CDH4: variants seen among roughly 807,000 people sequenced by gnomAD.
The protein encoded by CDH4 is cadherin 4, also known as cadherin-4.
A neutral mutation model predicts 86.0 loss-of-function variants in CDH4; 33 were observed. The ratio of observed to expected loss-of-function variants is 0.38; its 90% CI spans 0.29 to 0.51. CDH4 has a LOEUF of 0.51. Ranked by LOEUF, CDH4 falls within the 20% of genes least tolerant of loss-of-function variation. The pLI is 0.86. For synonymous variants in CDH4, 555 were observed against 549.4 expected, an observed-to-expected ratio of 1.01 and a Z score of -0.14; for missense variants, 1,114 against 1,307.4, an observed-to-expected ratio of 0.85 and a Z score of 2.28.
chr20:61,460,179 G>C (rs745941467), intron 2 of CDH4, among the ~76,000 whole-genome samples: 1 of 152,124 alleles, frequency 6.6e-6, no homozygotes, highest in East Asian at 1.9e-4. Flanking sequence ...CTTTGCCCTC[G>C]GCTAGCACAT....
At chr20:61,877,555 C>T (rs559103213) in intron 7 of CDH4, among the ~76,000 whole-genome samples, 13 of 152,244 alleles carry the variant, frequency 8.5e-5, no homozygotes, top group African/African-American at 2.4e-4. Context: ...GTGAACAGCC[C>T]GGCTTCTATC....
chr20:61,852,886 G>A lies in CDH4; in HGVS notation c.865G>A (p.Gly289Ser). 1 of 1,613,918 alleles carries A rather than the reference G, an allele frequency of 6.2e-7. No individual in the cohort carries two copies. The highest frequency in any genetic ancestry group is 8.5e-7 in the Non-Finnish European group (1 of 1,179,920). ...GGTCTACAACGGCTCCGTGGACGAG[G>A]GCTCCAAGCCAGGTGAGGCCTTTAG... ...NQVYNGSVDE[G>S]SKPGTYVMTV... The change falls in exon 6 of 16, where the codon GGC (glycine) becomes AGC (serine). Residue 289 changes from glycine (G) to serine (S), a missense_variant. By Grantham distance (56) the Gly-to-Ser change is moderately conservative (BLOSUM62 0). Around this residue, in one of 3 missense-constraint regions of CDH4, gnomAD observed 705 missense variants for 914.1 expected, o/e 0.77. Transcript: ENST00000614565.
intron 6 of CDH4, among the ~76,000 whole-genome samples, chr20:61,865,887 T>C (rs1983526870): frequency 6.6e-6 from 1 of 151,180 alleles, no homozygotes; most frequent in African/African-American, 2.4e-5. Flanking sequence ...GCTTCCTGGC[T>C]GGTTAGTGTA....
At chr20:61,464,756 C>A (rs2085463620) in intron 2 of CDH4, among the ~76,000 whole-genome samples, 1 of 152,150 alleles carries the variant, frequency 6.6e-6, no homozygotes, top group South Asian at 2.1e-4. Context: ...AGCCCAGGTC[C>A]CCTCCTGAGC....
intron 2 of CDH4, among the ~76,000 whole-genome samples, chr20:61,424,076 GCA>G (rs1226711179): frequency 6.6e-6 from 1 of 151,508 alleles, no homozygotes; most frequent in African/African-American, 2.4e-5. Context: ...TCCACACACA[GCA>G]CACACGTATA....
intron 2 of CDH4, among the ~76,000 whole-genome samples, chr20:61,634,183 A>G (rs1299221683): frequency 6.6e-6 from 1 of 152,188 alleles, no homozygotes; most frequent in African/African-American, 2.4e-5. Flanking sequence ...AAGCTCTGTA[A>G]GCAGCTCAGG....
intron 2 of CDH4, among the ~76,000 whole-genome samples, chr20:61,345,170 C>T (rs1026137302): frequency 1.3e-5 from 2 of 152,230 alleles, no homozygotes; most frequent in African/African-American, 4.8e-5. Context: ...TCCATGTGTG[C>T]ATTTCGGGCC....
chr20:61,397,728 C>G (rs1169205610), intron 2 of CDH4, among the ~76,000 whole-genome samples: 1 of 152,172 alleles, frequency 6.6e-6, no homozygotes, highest in Non-Finnish European at 1.5e-5. Context: ...GGTCCCCTGT[C>G]CTGTTTGTGA....
intron 2 of CDH4, among the ~76,000 whole-genome samples, chr20:61,578,621 G>C (rs1431386099): frequency 6.6e-6 from 1 of 152,168 alleles, no homozygotes; most frequent in African/African-American, 2.4e-5. Flanking sequence ...CTCAAGGGGT[G>C]GTCGGCCAGG....
At chr20:61,549,758 A>G (rs573463271) in intron 2 of CDH4, among the ~76,000 whole-genome samples, 4 of 152,362 alleles carry the variant, frequency 2.6e-5, no homozygotes, top group East Asian at 1.9e-4. Context: ...TGCTGCCTTC[A>G]TGGTTCTCAG....
At chr20:61,784,677 G>C (rs1409273104) in intron 4 of CDH4, among the ~76,000 whole-genome samples, 1 of 93,558 alleles carries the variant, frequency 1.1e-5, no homozygotes, top group Non-Finnish European at 2.1e-5. Flanking sequence ...CAGATGTCCT[G>C]TGCCCCCAAG....
chr20:61,592,121 A>G (rs6121714), intron 2 of CDH4, among the ~76,000 whole-genome samples: 5,007 of 152,092 alleles, frequency 0.033, 115 homozygotes, highest in Middle Eastern at 0.095. Context: ...TGAGCTAGCA[A>G]CTCAAAACAG....
At chr20:61,805,683 C>G (rs1050370570) in intron 4 of CDH4, among the ~76,000 whole-genome samples, 9 of 152,196 alleles carry the variant, frequency 5.9e-5, no homozygotes, top group Non-Finnish European at 8.8e-5. Flanking sequence ...GTTTAAAACT[C>G]CCACGAGGCC....
At chr20:61,570,843 C>A in intron 2 of CDH4, 1 of 699,088 alleles carries the variant, frequency 1.4e-6, no homozygotes, top group South Asian at 1.5e-5. Context: ...CTTCCCCTTC[C>A]AAGTGTGTTG....
At chr20:61,883,211 C>G (rs866069134) in intron 7 of CDH4, among the ~76,000 whole-genome samples, 1 of 152,074 alleles carries the variant, frequency 6.6e-6, no homozygotes, top group African/African-American at 2.4e-5. Context: ...TGGCAAACAG[C>G]CCTGCCTGCC....
chr20:61,518,482 T>A lies in CDH4; in HGVS notation c.170-225081T>A, dbSNP rs368660720. Reference sequence around the variant, plus strand: ...CCACCCATCGTCCATCCATCCATCCTTCCATCATTGATTCATCATCCATCC... The same window carrying A: ...CCACCCATCGTCCATCCATCCATCCATCCATCATTGATTCATCATCCATCC... On this transcript the variant is annotated intron_variant, in intron 2 of 15. Transcript: ENST00000614565. The surrounding 1 kb of genome is among the most constrained non-coding windows in gnomAD (Gnocchi z 6.3). 6.7e-6 allele frequency among the ~76,000 whole-genome samples: 1 copy of A among 150,068 alleles called. No homozygotes were observed. The highest frequency in any genetic ancestry group is 1.5e-5 in the Non-Finnish European group (1 of 67,414).
At chr20:61,596,225 T>G (rs2086556313) in intron 2 of CDH4, among the ~76,000 whole-genome samples, 2 of 152,320 alleles carry the variant, frequency 1.3e-5, no homozygotes, top group South Asian at 2.1e-4. Flanking sequence ...TCCCGCCCCC[T>G]GAAAATGAAG....
chr20:61,647,554 T>TCC (rs2145810542), intron 2 of CDH4, among the ~76,000 whole-genome samples: 4 of 106,890 alleles, frequency 3.7e-5, no homozygotes, highest in Admixed American at 2.7e-4. Flanking sequence ...TCCCTCTCCC[T>TCC]CTCCCTCTCC....
chr20:61,770,479 TG>T (rs539022908), intron 3 of CDH4, among the ~76,000 whole-genome samples: 104 of 152,370 alleles, frequency 6.8e-4, no homozygotes, highest in African/African-American at 2.3e-3. Flanking sequence ...CCATGCCATG[TG>T]GGCACCCTGC....
Sources: allele counts gnomAD v4.1 joint callset (sites outside exome capture counted in the v4.1 genomes callset), GRCh38; gene constraint gnomAD v4.1.1; regional missense constraint gnomAD v4.1.1; non-coding constraint Gnocchi (gnomAD v3.1); transcripts MANE v1.5; gene names NCBI Gene and HGNC (gene_info 2026-07-23, HGNC 2026-07-21).